The following TAS2R1 variants were observed in gnomAD, a reference collection of about 807,000 sequenced individuals.
TAS2R1 encodes the protein taste receptor type 2 member 1.
For missense variants in TAS2R1, 370 were observed against 353.4 expected (o/e 1.05, Z -0.38); for synonymous variants, 141 against 134.2 (o/e 1.05, Z -0.35).
the TAS2R1 span, among the ~76,000 whole-genome samples, chr5:9,881,908 G>A: frequency 6.6e-6 from 1 of 152,144 alleles, no homozygotes; most frequent in East Asian, 1.9e-4. Flanking sequence ...AAAAACCTTA[G>A]AAGAAAATCT....
the TAS2R1 span, among the ~76,000 whole-genome samples, chr5:9,738,140 C>A: frequency 2.1e-3 from 323 of 152,314 alleles, 1 homozygote; most frequent in African/African-American, 7.2e-3. Context: ...TTTCTTCCTG[C>A]AAGAGCTGAG....
the TAS2R1 span, among the ~76,000 whole-genome samples, chr5:9,872,166 A>C: frequency 6.6e-6 from 1 of 152,248 alleles, no homozygotes; most frequent in Non-Finnish European, 1.5e-5. Flanking sequence ...CTTAAAAATT[A>C]AAGCAAAATA....
the TAS2R1 span, among the ~76,000 whole-genome samples, chr5:9,865,145 G>A: frequency 1.3e-5 from 2 of 152,204 alleles, no homozygotes. Context: ...GAGGTGTGGA[G>A]GGGGAGCAAG....
the TAS2R1 span, among the ~76,000 whole-genome samples, chr5:9,853,293 G>A: frequency 4.6e-5 from 7 of 152,206 alleles, no homozygotes; most frequent in Admixed American, 4.6e-4. Flanking sequence ...CGCAGAGCAG[G>A]GCTACCCTAC....
the TAS2R1 span, among the ~76,000 whole-genome samples, chr5:9,859,232 T>C: frequency 2.0e-5 from 3 of 152,114 alleles, no homozygotes; most frequent in Admixed American, 2.0e-4. Flanking sequence ...TAACACGAAC[T>C]GGAATTGCCA....
intron 1 of TAS2R1, among the ~76,000 whole-genome samples, chr5:9,669,505 AATGGCC>A (rs1740708773): frequency 6.6e-6 from 1 of 152,038 alleles, no homozygotes. Flanking sequence ...TCAACCACAC[AATGGCC>A]ATAAACTGTC....
At chr5:9,903,372 G>T in the TAS2R1 span, among the ~76,000 whole-genome samples, 1 of 151,926 alleles carries the variant, frequency 6.6e-6, no homozygotes, top group Non-Finnish European at 1.5e-5. Context: ...GGTGGTGCTT[G>T]GTTACATGGA....
chr5:9,892,567 G>C, the TAS2R1 span, among the ~76,000 whole-genome samples: 6 of 152,188 alleles, frequency 3.9e-5, no homozygotes, highest in Admixed American at 2.0e-4. Flanking sequence ...CAGGGTTCAA[G>C]AGTGTTTCAT....
the TAS2R1 span, among the ~76,000 whole-genome samples, chr5:9,874,938 G>C: frequency 0.076 from 11,605 of 152,210 alleles, 586 homozygotes; most frequent in Middle Eastern, 0.23. Flanking sequence ...TCATCCCTCA[G>C]ACCTGGGTTT....
chr5:9,826,529 A>G, the TAS2R1 span, among the ~76,000 whole-genome samples: 1 of 152,244 alleles, frequency 6.6e-6, no homozygotes, highest in South Asian at 2.1e-4. Flanking sequence ...GTACATAAGA[A>G]GAAAGAATAC....
chr5:9,891,511 C>T, the TAS2R1 span, among the ~76,000 whole-genome samples: 1 of 152,146 alleles, frequency 6.6e-6, no homozygotes, highest in Non-Finnish European at 1.5e-5. Flanking sequence ...TACTTTGGAT[C>T]CCATGCACAG....
the TAS2R1 span, among the ~76,000 whole-genome samples, chr5:9,821,531 A>G: frequency 1.3e-5 from 2 of 152,240 alleles, no homozygotes; most frequent in African/African-American, 2.4e-5. Context: ...TGCAGAATGT[A>G]CACAAGGCTA....
chr5:9,706,857 C>T (rs1344336020), intron 1 of TAS2R1, among the ~76,000 whole-genome samples: 1 of 152,198 alleles, frequency 6.6e-6, no homozygotes, highest in Non-Finnish European at 1.5e-5. Flanking sequence ...TCAGCCTCCA[C>T]TCCCCCGACA....
chr5:9,877,000 T>C, the TAS2R1 span, among the ~76,000 whole-genome samples: 1 of 152,244 alleles, frequency 6.6e-6, no homozygotes, highest in African/African-American at 2.4e-5. Flanking sequence ...CCACAAGGAA[T>C]ATAAAGTTCT....
chr5:9,812,295 A>G, the TAS2R1 span, among the ~76,000 whole-genome samples: 3 of 152,002 alleles, frequency 2.0e-5, no homozygotes, highest in South Asian at 4.1e-4. Flanking sequence ...TAGAGTATAC[A>G]TATAATAATA....
At chr5:9,745,752 T>C in the TAS2R1 span, among the ~76,000 whole-genome samples, 28 of 152,200 alleles carry the variant, frequency 1.8e-4, no homozygotes, top group African/African-American at 5.5e-4. Context: ...CCTTATACCT[T>C]ATACAAAAAT....
chr5:9,777,845 A>C, the TAS2R1 span, among the ~76,000 whole-genome samples: 1 of 151,408 alleles, frequency 6.6e-6, no homozygotes, highest in Non-Finnish European at 1.5e-5. Context: ...GTACATCTCC[A>C]CATCTCCATC....
At chr5:9,790,238 G>T in the TAS2R1 span, among the ~76,000 whole-genome samples, 119,408 of 152,194 alleles carry the variant, frequency 0.78, 47,104 homozygotes, top group East Asian at 0.87. Context: ...CTGACAAAGA[G>T]CAGTATTTGC....
At chr5:9,707,313 A>G (rs1045907555) in intron 1 of TAS2R1, among the ~76,000 whole-genome samples, 2 of 152,168 alleles carry the variant, frequency 1.3e-5, no homozygotes, top group African/African-American at 4.8e-5. Context: ...CCAGGATGAC[A>G]TGGCAGACCC....
Sources: gnomAD v4.1 joint callset for allele counts (sites outside exome capture counted in the v4.1 genomes callset) on GRCh38, gnomAD v4.1.1 for gene constraint, MANE v1.5 for transcripts, NCBI Gene and HGNC (gene_info 2026-07-23, HGNC 2026-07-21) for gene names.